Variants in DYDC1 observed in about 807,000 individuals in gnomAD.
DYDC1 encodes the protein DPY30 domain containing 1, also known as DPY30 domain-containing protein 1.
Under a neutral mutation model 27.9 loss-of-function variants are expected in DYDC1, and 21 were observed. That is an observed-to-expected ratio of 0.75 (90% CI 0.53 to 1.08). The LOEUF (loss-of-function observed/expected upper bound fraction) is 1.08. Ranked by LOEUF, DYDC1 falls within the 50% of genes least tolerant of loss-of-function variation. The pLI, the probability that DYDC1 is intolerant of heterozygous loss-of-function variation, is 0.00. For missense variants in DYDC1, 202 were observed against 205.9 expected, an observed-to-expected ratio of 0.98 and a Z score of 0.12; for synonymous variants, 67 against 65.8, an observed-to-expected ratio of 1.02 and a Z score of -0.09.
At chr10:80,343,279 T>A (rs1842412764) in intron 3 of DYDC1, among the ~76,000 whole-genome samples, 1 of 152,238 alleles carries the variant, frequency 6.6e-6, no homozygotes, top group Non-Finnish European at 1.5e-5. Context: ...CATGCTAATT[T>A]GTTTACGTAT....
chr10:80,352,722 G>C, intron 1 of DYDC1, 112 bp from the exon 2 acceptor site: 3 of 1,297,836 alleles, frequency 2.3e-6, no homozygotes, highest in Non-Finnish European at 3.0e-6. Flanking sequence ...CTCAGTCATG[G>C]ACACCTCCCA....
chr10:80,341,442 CAAA>C (rs58419721), intron 4 of DYDC1, among the ~76,000 whole-genome samples: 3 of 46,788 alleles, frequency 6.4e-5, no homozygotes, highest in Admixed American at 2.2e-4. Flanking sequence ...GACTCTGTCT[CAAA>C]AAAAAAAAAA....
chr10:80,354,586 A>G (rs972225551), intron 1 of DYDC1: 5 of 152,222 alleles, frequency 3.3e-5, no homozygotes, highest in Non-Finnish European at 7.3e-5. Flanking sequence ...GTGTCCCCCA[A>G]AAATCCATAT....
At chr10:80,338,626 C>A (rs1842216639) in intron 5 of DYDC1, 55 bp from the exon 6 acceptor site, 14 of 1,433,744 alleles carry the variant, frequency 9.8e-6, no homozygotes, top group Non-Finnish European at 1.1e-5. Flanking sequence ...TAATACATTA[C>A]TTTTCTTTCA....
intron 6 of DYDC1, chr10:80,337,243 T>C: frequency 1.0e-6 from 1 of 985,426 alleles, no homozygotes; most frequent in Non-Finnish European, 1.2e-6. Flanking sequence ...TCAAAGAAGC[T>C]TCCCCATTGG....
chr10:80,340,366 A>C (rs1842278760), intron 4 of DYDC1, among the ~76,000 whole-genome samples: 1 of 152,218 alleles, frequency 6.6e-6, no homozygotes, highest in South Asian at 2.1e-4. Flanking sequence ...ATCTCTGAGC[A>C]ATGGGCGAGG....
chr10:80,349,690 C>T (rs1842875708), intron 3 of DYDC1, among the ~76,000 whole-genome samples: 1 of 152,162 alleles, frequency 6.6e-6, no homozygotes, highest in Non-Finnish European at 1.5e-5. Flanking sequence ...AACAATAATG[C>T]AAAGTGTATT....
At chr10:80,353,617 C>T (rs567687199) in intron 1 of DYDC1, among the ~76,000 whole-genome samples, 3 of 149,720 alleles carry the variant, frequency 2.0e-5, no homozygotes, top group Non-Finnish European at 3.0e-5. Context: ...TTTGGGAGGC[C>T]GAGGCGGGCG....
chr10:80,341,946 C>G (rs1419156973), intron 4 of DYDC1, among the ~76,000 whole-genome samples: 3 of 150,186 alleles, frequency 2.0e-5, no homozygotes, highest in Non-Finnish European at 4.4e-5. Flanking sequence ...ATCACTTGAA[C>G]CTGGGAGGCC....
intron 4 of DYDC1, among the ~76,000 whole-genome samples, chr10:80,341,724 T>C (rs1040714616): frequency 2.6e-4 from 39 of 152,208 alleles, no homozygotes; most frequent in Admixed American, 6.5e-4. Flanking sequence ...TATTTGATTG[T>C]ATAAGAATCC....
At position 80,337,828 on chromosome 10, in the gene DYDC1, G is replaced by A. The variant is rs79255979; in HGVS notation, c.504+639C>T. 8.9e-3 allele frequency among the ~76,000 whole-genome samples: 1,358 copies of A among 152,324 alleles called. 17 individuals carry two copies. The highest frequency in any genetic ancestry group is 0.031 in the African/African-American group (1,291 of 41,564). On this transcript the variant is annotated intron_variant, in intron 6 of 6. Transcript: ENST00000372202. ...CCCTTGTCCGTGTACACCAATTAAA[G>A]TGACCAAAATGTACCCTTCTTCCAG...
chr10:80,338,240 C>G (rs1842198385), intron 6 of DYDC1: 1 of 985,442 alleles, frequency 1.0e-6, no homozygotes, highest in African/African-American at 1.7e-5. Flanking sequence ...GTTTTGAAGT[C>G]ACAGATACGG....
chr10:80,356,243 T>C (rs1447238439), intron 1 of DYDC1: 1 of 985,064 alleles, frequency 1.0e-6, no homozygotes, highest in Non-Finnish European at 1.2e-6. Flanking sequence ...AATGTTATTT[T>C]TCACATACAC....
chr10:80,356,278 A>T, intron 1 of DYDC1: 1 of 985,590 alleles, frequency 1.0e-6, no homozygotes, highest in Non-Finnish European at 1.2e-6. Flanking sequence ...GCTCAACATA[A>T]GAAAGCCCTT....
chr10:80,346,088 T>C (rs1842606494), intron 3 of DYDC1, among the ~76,000 whole-genome samples: 1 of 152,172 alleles, frequency 6.6e-6, no homozygotes, highest in South Asian at 2.1e-4. Context: ...CCTCAAGTGA[T>C]CCTCAGGCCT....
chr10:80,336,063 T>G, downstream of DYDC1: 1 of 831,446 alleles, frequency 1.2e-6, no homozygotes. Context: ...AAAAGGGGAG[T>G]TCAAGTTTGA....
intron 4 of DYDC1, among the ~76,000 whole-genome samples, chr10:80,339,986 T>G (rs1440622783): frequency 6.6e-6 from 1 of 152,180 alleles, no homozygotes; most frequent in South Asian, 2.1e-4. Flanking sequence ...GTCAGAATCC[T>G]TCTCCAAGAT....
chr10:80,341,752 C>T (rs1842326280), intron 4 of DYDC1, among the ~76,000 whole-genome samples: 1 of 151,990 alleles, frequency 6.6e-6, no homozygotes, highest in Admixed American at 6.6e-5. Context: ...CGGCCAGGGG[C>T]GCTGGCTCAT....
rs559282396 is a variant in DYDC1, at chr10:80,346,244, G to A, written c.250-3883C>T. Among the ~76,000 whole-genome samples, 4 of 152,310 alleles carry A rather than the reference G, an allele frequency of 2.6e-5. No individual in the cohort carries two copies. The East Asian group carries it at 7.7e-4, about 29-fold the overall frequency. ...TGCTGCAATGGACATGGGAGTGCAA[G>A]TAGTCTCTATAAGGTGCTGGTTTCA... On this transcript the variant is annotated intron_variant, in intron 3 of 6. Coordinates refer to ENST00000372202, the MANE Select transcript of DYDC1 (RefSeq NM_001269053.2).
Sources: allele counts gnomAD v4.1 joint callset (sites outside exome capture counted in the v4.1 genomes callset), GRCh38; gene constraint gnomAD v4.1.1; transcripts MANE v1.5; gene names NCBI Gene and HGNC (gene_info 2026-07-23, HGNC 2026-07-21).